HEMK2: variants seen among roughly 807,000 people sequenced by gnomAD.
HEMK2 encodes HemK methyltransferase 2, ETF1 glutamine and histone H4 lysine.
the HEMK2 span, among the ~76,000 whole-genome samples, chr21:28,765,575 T>C: frequency 2.0e-5 from 3 of 152,100 alleles, no homozygotes; most frequent in Non-Finnish European, 4.4e-5. Flanking sequence ...GTTTGCAAAT[T>C]ATTGGATTTG....
chr21:28,722,377 G>A, the HEMK2 span, among the ~76,000 whole-genome samples: 10 of 152,160 alleles, frequency 6.6e-5, no homozygotes, highest in African/African-American at 9.7e-5. Flanking sequence ...ACAGGAGTCC[G>A]ATGGAAGAGG....
the HEMK2 span, among the ~76,000 whole-genome samples, chr21:28,622,078 G>A: frequency 4.0e-5 from 6 of 151,734 alleles, no homozygotes; most frequent in East Asian, 1.9e-4. Context: ...GTCTTTGCAC[G>A]TGAGATGGGT....
At chr21:28,784,193 A>G in the HEMK2 span, among the ~76,000 whole-genome samples, 102 of 152,348 alleles carry the variant, frequency 6.7e-4, 4 homozygotes, top group South Asian at 0.02. Context: ...CCGGTGTAGG[A>G]TCCACTAGGT....
the HEMK2 span, among the ~76,000 whole-genome samples, chr21:28,697,484 A>G: frequency 0.56 from 84,502 of 151,896 alleles, 26,175 homozygotes; most frequent in East Asian, 0.84. Flanking sequence ...TCTCTAGGAA[A>G]TTCCAAACTT....
At chr21:28,772,624 G>T in the HEMK2 span, among the ~76,000 whole-genome samples, 1 of 152,054 alleles carries the variant, frequency 6.6e-6, no homozygotes, top group Non-Finnish European at 1.5e-5. Context: ...GGCAAGTTTT[G>T]CTCATTGACT....
the HEMK2 span, among the ~76,000 whole-genome samples, chr21:28,719,433 G>A: frequency 3.3e-5 from 5 of 152,230 alleles, no homozygotes; most frequent in African/African-American, 1.2e-4. Context: ...TTATAAATGG[G>A]AGTTCTCCTG....
chr21:28,845,042 T>A, the HEMK2 span, among the ~76,000 whole-genome samples: 302 of 152,208 alleles, frequency 2.0e-3, 4 homozygotes, highest in African/African-American at 7.0e-3. Flanking sequence ...AGTTCATACA[T>A]TTTTCTACAT....
At chr21:28,678,585 A>G in the HEMK2 span, among the ~76,000 whole-genome samples, 46 of 152,324 alleles carry the variant, frequency 3.0e-4, 1 homozygote, top group East Asian at 8.3e-3. Flanking sequence ...TCCAAGACAC[A>G]TAATTGTCAG....
chr21:28,721,664 T>G, the HEMK2 span, among the ~76,000 whole-genome samples: 2 of 152,064 alleles, frequency 1.3e-5, no homozygotes, highest in Admixed American at 6.6e-5. Context: ...ACAGCTATAC[T>G]TACATCCTAC....
the HEMK2 span, among the ~76,000 whole-genome samples, chr21:28,822,781 A>C: frequency 2.0e-5 from 3 of 152,142 alleles, no homozygotes; most frequent in Non-Finnish European, 4.4e-5. Context: ...TGATATATAA[A>C]CTTTTGGGAA....
At chr21:28,846,788 A>C in the HEMK2 span, among the ~76,000 whole-genome samples, 1 of 152,040 alleles carries the variant, frequency 6.6e-6, no homozygotes, top group African/African-American at 2.4e-5. Flanking sequence ...GCCTCCTCCC[A>C]CCATCTACCC....
At chr21:28,600,862 C>T in the HEMK2 span, among the ~76,000 whole-genome samples, 18,903 of 152,190 alleles carry the variant, frequency 0.12, 2,069 homozygotes, top group East Asian at 0.59. Flanking sequence ...GGGCAAAATG[C>T]CACCAGTCTC....
At chr21:28,796,989 T>G in the HEMK2 span, among the ~76,000 whole-genome samples, 1 of 152,226 alleles carries the variant, frequency 6.6e-6, no homozygotes, top group African/African-American at 2.4e-5. Context: ...TTTAGTTTAT[T>G]CTGTTTTGTT....
At chr21:28,588,239 T>C in the HEMK2 span, among the ~76,000 whole-genome samples, 1 of 152,198 alleles carries the variant, frequency 6.6e-6, no homozygotes, top group African/African-American at 2.4e-5. Context: ...AGAAAGCTGA[T>C]TTGGGGCACC....
the HEMK2 span, among the ~76,000 whole-genome samples, chr21:28,857,303 A>C: frequency 8.8e-6 from 1 of 113,480 alleles, no homozygotes; most frequent in Non-Finnish European, 1.9e-5. Flanking sequence ...AAAATTGTAG[A>C]GGTTTTCCTG....
the HEMK2 span, among the ~76,000 whole-genome samples, chr21:28,708,474 G>A: frequency 6.6e-6 from 1 of 152,124 alleles, no homozygotes; most frequent in Non-Finnish European, 1.5e-5. Context: ...TAATCCCAGG[G>A]ATGAAAGGAA....
the HEMK2 span, among the ~76,000 whole-genome samples, chr21:28,853,811 A>G: frequency 6.6e-6 from 1 of 152,178 alleles, no homozygotes; most frequent in South Asian, 2.1e-4. Context: ...ATCAGAGTTT[A>G]CACGCTCAAT....
At chr21:28,671,538 A>T in the HEMK2 span, among the ~76,000 whole-genome samples, 2 of 152,198 alleles carry the variant, frequency 1.3e-5, no homozygotes, top group Non-Finnish European at 2.9e-5. Flanking sequence ...TGGGACTAGA[A>T]GAAGTGATTT....
At chr21:28,679,739 A>G in the HEMK2 span, among the ~76,000 whole-genome samples, 1 of 152,350 alleles carries the variant, frequency 6.6e-6, no homozygotes, top group Non-Finnish European at 1.5e-5. Flanking sequence ...ACTCAGGATT[A>G]AGAAACTCAC....
Sources: gnomAD v4.1 joint callset for allele counts (sites outside exome capture counted in the v4.1 genomes callset) on GRCh38, gnomAD v4.1.1 for gene constraint, MANE v1.5 for transcripts, NCBI Gene and HGNC (gene_info 2026-07-23, HGNC 2026-07-21) for gene names.